The following TIA1 variants were observed in gnomAD, a reference collection of about 807,000 sequenced individuals.
TIA1 encodes cytotoxic granule associated RNA binding protein TIA1.
A neutral mutation model predicts 65.9 loss-of-function variants in TIA1; 23 were observed. That is an observed-to-expected ratio of 0.35 (90% CI 0.25 to 0.49). The LOEUF (loss-of-function observed/expected upper bound fraction) is 0.49. Among genes scored for constraint, TIA1 ranks in the 20% least tolerant of loss-of-function variants. The pLI is 0.98. For missense variants in TIA1, 371 were observed against 477.9 expected, an observed-to-expected ratio of 0.78 and a Z score of 2.09; for synonymous variants, 147 against 149.4, an observed-to-expected ratio of 0.98 and a Z score of 0.12.
intron 3 of TIA1, 90 bp downstream of exon 3, chr2:70,230,666 A>C: frequency 9.4e-7 from 1 of 1,065,038 alleles, no homozygotes; most frequent in Non-Finnish European, 1.3e-6. Flanking sequence ...AAAAAAAAAA[A>C]AGTGTTTAAT....
In TIA1 at chr2:70,248,521, T is replaced by G; in HGVS notation, c.-91A>C. On this transcript the variant is annotated 5_prime_UTR_variant, in exon 1 of 13. Coordinates refer to ENST00000433529, the MANE Select transcript of TIA1 (RefSeq NM_022173.4). ...TTAAGCGGTTATGGCTACAGGATAG[T>G]GGGGTTTCTCGGCTGACCAGAGGTT... is the stretch of plus-strand genomic sequence containing the variant. The G allele has an allele frequency of 6.3e-7, 1 of 1,586,928 alleles. No individual in the cohort carries two copies. The highest frequency in any genetic ancestry group is 8.5e-7 in the Non-Finnish European group (1 of 1,170,330).
intron 1 of TIA1, among the ~76,000 whole-genome samples, chr2:70,245,893 C>T (rs1694063716): frequency 1.3e-5 from 2 of 149,762 alleles, no homozygotes; most frequent in Admixed American, 1.3e-4. Context: ...AATCTTAATT[C>T]ACTGCTTGAA....
chr2:70,239,161 C>T (rs561875299), intron 1 of TIA1, among the ~76,000 whole-genome samples: 9 of 152,268 alleles, frequency 5.9e-5, no homozygotes, highest in Admixed American at 3.3e-4. Flanking sequence ...GGCGTGATCT[C>T]GGCTCACTGC....
At position 70,227,734 on chromosome 2, in the gene TIA1, C is replaced by T. The variant is rs1684426826; in HGVS notation, c.398+1G>A. Reference sequence around the variant, plus strand: ...GATTTTATTTATCTTCTGTTACTTACGATATTCTTCCAAATGGTGCAAAAG... The same window carrying T: ...GATTTTATTTATCTTCTGTTACTTATGATATTCTTCCAAATGGTGCAAAAG... On this transcript the variant is annotated splice_donor_variant, in intron 6 of 12. Coordinates refer to ENST00000433529, the MANE Select transcript of TIA1 (RefSeq NM_022173.4). LOFTEE classifies it high-confidence loss of function. 2 of 1,571,448 alleles carry T rather than the reference C, an allele frequency of 1.3e-6. No homozygotes were observed. Among genetic ancestry groups the T allele is most frequent in the Non-Finnish European group, 8.7e-7 (1 of 1,153,124 alleles).
chr2:70,217,863 C>T (rs948916547), intron 7 of TIA1, among the ~76,000 whole-genome samples: 2 of 152,144 alleles, frequency 1.3e-5, no homozygotes, highest in Admixed American at 1.3e-4. Context: ...AGGTCGTGAG[C>T]CCGACAGCCC....
chr2:70,217,756 A>AT (rs1168551350), intron 7 of TIA1, among the ~76,000 whole-genome samples: 1 of 152,120 alleles, frequency 6.6e-6, no homozygotes, highest in Non-Finnish European at 1.5e-5. Flanking sequence ...AAGTGCTAGG[A>AT]TTACAGGCAT....
chr2:70,244,977 G>A (rs1268712310), intron 1 of TIA1, among the ~76,000 whole-genome samples: 1 of 151,970 alleles, frequency 6.6e-6, no homozygotes, highest in Non-Finnish European at 1.5e-5. Flanking sequence ...AGAAAGGCAA[G>A]GCCCTCATTA....
At chr2:70,224,853 C>T (rs1683123445) in intron 6 of TIA1, 1 of 1,265,842 alleles carries the variant, frequency 7.9e-7, no homozygotes, top group South Asian at 2.6e-5. Context: ...TTATATTGTA[C>T]AGAAATTGCC....
At chr2:70,213,224 G>A (rs2103834513) in intron 12 of TIA1, among the ~76,000 whole-genome samples, 1 of 152,122 alleles carries the variant, frequency 6.6e-6, no homozygotes, top group South Asian at 2.1e-4. Context: ...ACCTGAAAGA[G>A]TCAGGTAGGT....
chr2:70,215,016 A>G (rs1677989139), intron 11 of TIA1: 2 of 214,798 alleles, frequency 9.3e-6, no homozygotes, highest in Admixed American at 5.7e-5. Context: ...TGCCAAGGCC[A>G]TAACTATATT....
chr2:70,238,260 GTTTTTTTTTTTT>G (rs763865705), intron 1 of TIA1, among the ~76,000 whole-genome samples: 1,149 of 94,640 alleles, frequency 0.012, 28 homozygotes, highest in African/African-American at 0.048. Context: ...GTTCCCCCAA[GTTTTTTTTTTTT>G]TTTTTTTTTT....
At chr2:70,235,795 CCATA>C (rs1688642008) in intron 2 of TIA1, among the ~76,000 whole-genome samples, 1 of 152,040 alleles carries the variant, frequency 6.6e-6, no homozygotes, top group South Asian at 2.1e-4. Flanking sequence ...CTGAAAGAGC[CCATA>C]TATATGTTCC....
At chr2:70,246,178 C>G (rs112044986) in intron 1 of TIA1, among the ~76,000 whole-genome samples, 1,758 of 152,276 alleles carry the variant, frequency 0.012, 39 homozygotes, top group African/African-American at 0.04. Context: ...CCCTCCTCAG[C>G]CCCCCAAAGT....
At chr2:70,242,716 G>A (rs1165498265) in intron 1 of TIA1, among the ~76,000 whole-genome samples, 4 of 152,142 alleles carry the variant, frequency 2.6e-5, no homozygotes, top group African/African-American at 9.7e-5. Context: ...CCACACAGCA[G>A]GAGGTGAGCA....
chr2:70,243,899 G>A (rs549545315), intron 1 of TIA1, among the ~76,000 whole-genome samples: 1 of 152,240 alleles, frequency 6.6e-6, no homozygotes, highest in East Asian at 1.9e-4. Context: ...TACCTGGATT[G>A]GCTTCCTGAC....
intron 1 of TIA1, among the ~76,000 whole-genome samples, chr2:70,243,681 C>T (rs1692918707): frequency 6.6e-6 from 1 of 152,174 alleles, no homozygotes; most frequent in Non-Finnish European, 1.5e-5. Flanking sequence ...TTCATTTTTA[C>T]TTATATTTTG....
chr2:70,233,643 G>A (rs1392701581), intron 2 of TIA1, among the ~76,000 whole-genome samples: 1 of 152,084 alleles, frequency 6.6e-6, no homozygotes, highest in Non-Finnish European at 1.5e-5. Context: ...GCGCATGCCT[G>A]TAATCCCAGC....
chr2:70,243,753 T>G (rs1159571311), intron 1 of TIA1, among the ~76,000 whole-genome samples: 1 of 152,238 alleles, frequency 6.6e-6, no homozygotes, highest in East Asian at 1.9e-4. Context: ...CCATTTATTG[T>G]TGACATCATT....
intron 11 of TIA1, 74 bp from the exon 12 acceptor site, chr2:70,214,568 C>T: frequency 9.0e-7 from 1 of 1,110,192 alleles, no homozygotes; most frequent in Non-Finnish European, 1.2e-6. Context: ...ACCACAAATT[C>T]TTAGCCAAAA....
Sources: gnomAD v4.1 joint callset for allele counts (sites outside exome capture counted in the v4.1 genomes callset) on GRCh38, gnomAD v4.1.1 for gene constraint, MANE v1.5 for transcripts, NCBI Gene and HGNC (gene_info 2026-07-23, HGNC 2026-07-21) for gene names.